DHRS7B: variants seen among roughly 807,000 people sequenced by gnomAD.
DHRS7B encodes the protein peroxisomal reductase activating PPAR-gamma.
Under a neutral mutation model 26.4 loss-of-function variants are expected in DHRS7B, and 24 were observed. That is an observed-to-expected ratio of 0.91 (90% CI 0.66 to 1.28). DHRS7B has a LOEUF of 1.28. DHRS7B is among the 50% of genes most tolerant of loss of function. DHRS7B has a pLI of 0.00. For synonymous variants in DHRS7B, 142 were observed against 166.4 expected (o/e 0.85, Z 1.13); for missense variants, 368 against 419.4 (o/e 0.88, Z 1.07).
intron 3 of DHRS7B, among the ~76,000 whole-genome samples, chr17:21,182,404 A>G (rs1470703952): frequency 6.6e-6 from 1 of 152,066 alleles, no homozygotes; most frequent in Admixed American, 6.6e-5. Flanking sequence ...ATACGCCTCC[A>G]TGCCCAGCTA....
In DHRS7B at chr17:21,152,149, G is replaced by A. The variant is rs568556745; in HGVS notation, c.21-19869G>A. Reference sequence around the variant, plus strand: ...CTTTATGAATTACCTAGCTTCGGGTGTTGTTTTTTTATTTTTATTTTTTGA... The same window carrying A: ...CTTTATGAATTACCTAGCTTCGGGTATTGTTTTTTTATTTTTATTTTTTGA... On this transcript the variant is annotated intron_variant, in intron 1 of 6. Coordinates refer to ENST00000395511, the MANE Select transcript of DHRS7B (RefSeq NM_015510.5). 8.5e-5 allele frequency among the ~76,000 whole-genome samples: 13 copies of A among 152,176 alleles called. No individual in the cohort carries two copies. The South Asian group carries it at 2.3e-3, about 27-fold the overall frequency.
chr17:21,166,938 TG>T (rs1974127728), intron 1 of DHRS7B, among the ~76,000 whole-genome samples: 1 of 152,186 alleles, frequency 6.6e-6, no homozygotes, highest in Admixed American at 6.5e-5. Flanking sequence ...TTCTCAGATG[TG>T]GCTGTTAGTA....
chr17:21,187,501 C>G (rs1567631288), intron 5 of DHRS7B, among the ~76,000 whole-genome samples: 1 of 151,748 alleles, frequency 6.6e-6, no homozygotes, highest in African/African-American at 2.4e-5. Flanking sequence ...TGGCGGGTGC[C>G]TGTAGTCCCA....
At chr17:21,139,798 A>G (rs545451076) in intron 1 of DHRS7B, among the ~76,000 whole-genome samples, 1 of 152,256 alleles carries the variant, frequency 6.6e-6, no homozygotes, top group East Asian at 1.9e-4. Context: ...CTTTTTATTA[A>G]AGAGTCTACT....
At chr17:21,153,972 A>G (rs997091935) in intron 1 of DHRS7B, among the ~76,000 whole-genome samples, 2 of 152,166 alleles carry the variant, frequency 1.3e-5, no homozygotes, top group Admixed American at 6.5e-5. Flanking sequence ...TCTAGAAAAA[A>G]ACCAGAGAGG....
intron 3 of DHRS7B, among the ~76,000 whole-genome samples, chr17:21,180,031 T>G (rs567256506): frequency 1.3e-5 from 2 of 151,204 alleles, no homozygotes; most frequent in Admixed American, 1.3e-4. Flanking sequence ...CCTCCCAAAG[T>G]GCTGGGGTTA....
chr17:21,183,290 G>A (rs1235257122), intron 3 of DHRS7B, among the ~76,000 whole-genome samples: 1 of 151,812 alleles, frequency 6.6e-6, no homozygotes, highest in African/African-American at 2.4e-5. Flanking sequence ...AGTTATTTGT[G>A]TCTTCTGTTT....
At chr17:21,186,462 C>G (rs935267765) in intron 5 of DHRS7B, among the ~76,000 whole-genome samples, 5 of 152,200 alleles carry the variant, frequency 3.3e-5, no homozygotes, top group Non-Finnish European at 7.3e-5. Flanking sequence ...CTGATAGGAG[C>G]AGTCCTCTCC....
chr17:21,181,040 T>C (rs1974505209), intron 3 of DHRS7B, among the ~76,000 whole-genome samples: 1 of 152,228 alleles, frequency 6.6e-6, no homozygotes, highest in South Asian at 2.1e-4. Context: ...TCTTAGTCTG[T>C]TTTATGCTGC....
At chr17:21,185,244 C>T (rs1974605879) in intron 5 of DHRS7B, among the ~76,000 whole-genome samples, 1 of 152,232 alleles carries the variant, frequency 6.6e-6, no homozygotes, top group Non-Finnish European at 1.5e-5. Flanking sequence ...AGCCTCATCT[C>T]CTCTCAGCCA....
At chr17:21,141,254 C>G (rs769867504) in intron 1 of DHRS7B, among the ~76,000 whole-genome samples, 2 of 152,154 alleles carry the variant, frequency 1.3e-5, no homozygotes, top group African/African-American at 2.4e-5. Flanking sequence ...GCAAAACACC[C>G]TTTTTCTTCT....
chr17:21,143,888 C>G (rs1197292809), intron 1 of DHRS7B, among the ~76,000 whole-genome samples: 1 of 152,200 alleles, frequency 6.6e-6, no homozygotes, highest in African/African-American at 2.4e-5. Context: ...TTCACATCTG[C>G]TTTTCATTTG....
chr17:21,163,311 G>T (rs1238516099), intron 1 of DHRS7B, among the ~76,000 whole-genome samples: 2 of 152,172 alleles, frequency 1.3e-5, no homozygotes, highest in African/African-American at 4.8e-5. Flanking sequence ...TTTACTTCTG[G>T]AGTTTTTTTC....
Position 21,178,113 on chromosome 17 carries a change from A to G in DHRS7B, c.200-120A>G, listed in dbSNP as rs751512557. On this transcript the variant is annotated intron_variant, in intron 2 of 6. Coordinates refer to ENST00000395511, the MANE Select transcript of DHRS7B (RefSeq NM_015510.5). ...AGCTCCCAGCTTCATGCTGGGCCAC[A>G]CAGCAGGGGCCAACACAGACCTGTG... The G allele has an allele frequency of 8.9e-5, 82 of 921,372 alleles. No homozygotes were observed. The Middle Eastern group carries it at 1.2e-3, about 14-fold the overall frequency. 57.1% of individuals were successfully genotyped at this position (921,372 alleles called of 1,614,324 possible).
intron 3 of DHRS7B, among the ~76,000 whole-genome samples, chr17:21,182,056 T>TA (rs1347082012): frequency 6.6e-6 from 1 of 152,204 alleles, no homozygotes; most frequent in African/African-American, 2.4e-5. Context: ...CTGAGTATGT[T>TA]ATCTGTGGGT....
intron 1 of DHRS7B, among the ~76,000 whole-genome samples, chr17:21,170,782 A>G (rs1484976223): frequency 1.3e-5 from 2 of 152,138 alleles, no homozygotes; most frequent in Admixed American, 6.5e-5. Flanking sequence ...GCATAGATGG[A>G]TGTGTGTTGG....
chr17:21,184,500 A>G, intron 5 of DHRS7B, 37 bp downstream of exon 5: 1 of 1,571,830 alleles, frequency 6.4e-7, no homozygotes, highest in Non-Finnish European at 8.7e-7. Context: ...GCTTGGCTTT[A>G]TTGTTTTTTC....
chr17:21,178,312 C>T lies in DHRS7B; in HGVS notation c.279C>T (p.Ile93=), dbSNP rs1397284510. 1.2e-6 allele frequency: 2 copies of T among 1,614,118 alleles called. No individual in the cohort carries two copies. The highest frequency in any genetic ancestry group is 2.2e-5 in the South Asian group (2 of 91,082). ...ATGGTGGGGCCCTAGAAGAGCTCAT[C>T]AGAGAACTCACCGCTTCTCATGCCA... ...GRNGGALEEL[I]RELTASHATK... Residue 93 remains isoleucine, a synonymous_variant, in exon 3 of 7, where the codon ATC becomes ATT. Transcript: ENST00000395511.
intron 1 of DHRS7B, among the ~76,000 whole-genome samples, chr17:21,145,102 A>G (rs1973612714): frequency 6.6e-6 from 1 of 152,084 alleles, no homozygotes; most frequent in Non-Finnish European, 1.5e-5. Flanking sequence ...AGGTGGGCGG[A>G]TCACGAGGTC....
Sources: gnomAD v4.1 joint callset for allele counts (sites outside exome capture counted in the v4.1 genomes callset) on GRCh38, gnomAD v4.1.1 for gene constraint, MANE v1.5 for transcripts, NCBI Gene and HGNC (gene_info 2026-07-23, HGNC 2026-07-21) for gene names.